Variants in RORA observed in about 807,000 individuals in gnomAD.
RORA encodes the protein nuclear receptor ROR-alpha.
In RORA, 7 loss-of-function variants were observed where a neutral mutation model predicts 69.5. That is an observed-to-expected ratio of 0.10 (90% CI 0.06 to 0.19). The LOEUF (loss-of-function observed/expected upper bound fraction) is 0.19, where lower values mean the gene tolerates loss of function less well. Ranked by LOEUF, RORA falls within the 10% of genes least tolerant of loss-of-function variation. The pLI, the probability that RORA is intolerant of heterozygous loss-of-function variation, is 1.00. For synonymous variants in RORA, 261 were observed against 240.8 expected (o/e 1.08, Z -0.78); for missense variants, 457 against 663.0 (o/e 0.69, Z 3.41).
Position 60,627,310 on chromosome 15 carries a change from A to C in RORA, c.196+51347T>G, listed in dbSNP as rs2069613856. 2 of 1,614,044 alleles carry C rather than the reference A, an allele frequency of 1.2e-6. No homozygotes were observed. The highest frequency in any genetic ancestry group is 1.7e-5 in the Admixed American group (1 of 60,002). On this transcript the variant is annotated intron_variant, in intron 2 of 10. Transcript: ENST00000335670. ...CTGTCCAGTTCGAAGACAATGACCC[A>C]TGATTGACCACGGCACTCTTGCCTC...
rs188233058 is a variant in RORA, at chr15:61,125,761, T to G, written c.166+103292A>C. ...TCAGAAGGGTCAACAGGAATACACTTAAAAGTCCTATTTTCCACCAAAGCC... is the reference window on the plus strand; with the variant it reads ...TCAGAAGGGTCAACAGGAATACACTGAAAAGTCCTATTTTCCACCAAAGCC... On this transcript the variant is annotated intron_variant, in intron 1 of 10. Coordinates refer to ENST00000335670, the MANE Select transcript of RORA (RefSeq NM_134261.3). Among the ~76,000 whole-genome samples, 598 of 152,312 alleles carry G rather than the reference T, an allele frequency of 3.9e-3. 1 individual carries two copies. Among genetic ancestry groups the G allele is most frequent in the African/African-American group, 0.014 (570 of 41,556 alleles).
At chr15:60,696,338 A>G (rs2070904888) in intron 1 of RORA, among the ~76,000 whole-genome samples, 1 of 152,126 alleles carries the variant, frequency 6.6e-6, no homozygotes, top group Admixed American at 6.6e-5. Flanking sequence ...TTCATTGACG[A>G]GAGTCCCACT....
intron 1 of RORA, among the ~76,000 whole-genome samples, chr15:61,150,989 A>G (rs1445217202): frequency 6.6e-6 from 1 of 152,252 alleles, no homozygotes; most frequent in Non-Finnish European, 1.5e-5. Flanking sequence ...GAAAGAGAAT[A>G]CAGGTATTGG....
At position 60,537,996 on chromosome 15, in the gene RORA, A is replaced by G. The variant is rs969180660; in HGVS notation, c.197-6145T>C. Among the ~76,000 whole-genome samples the G allele has an allele frequency of 1.3e-5, 2 of 152,142 alleles. No individual in the cohort carries two copies. The highest frequency in any genetic ancestry group is 4.8e-5 in the African/African-American group (2 of 41,422). On this transcript the variant is annotated intron_variant, in intron 2 of 10. Transcript: ENST00000335670. This position sits in a 1 kb window ranked among gnomAD's most constrained non-coding sequence, Gnocchi z 4.9. ...TGATTTTGGTGCTTTCAACATCCCT[A>G]AAGGAGGCAGATAGGTATTATCATC...
chr15:61,144,175 G>A (rs1209964376), intron 1 of RORA, among the ~76,000 whole-genome samples: 1 of 152,190 alleles, frequency 6.6e-6, no homozygotes, highest in Non-Finnish European at 1.5e-5. Flanking sequence ...TTATTGGGGA[G>A]TATTCTCAGG....
rs374387488 is a variant in RORA at position 60,837,800 on chromosome 15, GA to G, written c.167-159115del. 9.9e-4 allele frequency among the ~76,000 whole-genome samples: 146 copies of G among 147,424 alleles called. 1 individual carries two copies. In the Middle Eastern group the frequency reaches 0.021, roughly 21 times the overall value. On this transcript the variant is annotated intron_variant, in intron 1 of 10. Transcript: ENST00000335670. ...CTGATTGTTTCTTCTCAGGTTGCCA[GA>G]AAAAAAAAACAAAAACCTGGATATT...
At chr15:60,638,957 T>G (rs957043213) in intron 2 of RORA, among the ~76,000 whole-genome samples, 2 of 152,142 alleles carry the variant, frequency 1.3e-5, no homozygotes, top group African/African-American at 4.8e-5. Context: ...AGTAGATAAT[T>G]CTCTCTGGCT....
At chr15:61,019,092 C>T (rs1174113154) in intron 1 of RORA, among the ~76,000 whole-genome samples, 1 of 152,156 alleles carries the variant, frequency 6.6e-6, no homozygotes, top group Non-Finnish European at 1.5e-5. Context: ...TTAACATCTC[C>T]AAAGCTCTCT....
chr15:60,521,312 G>A (rs1007198490), intron 3 of RORA, among the ~76,000 whole-genome samples: 2 of 151,132 alleles, frequency 1.3e-5, no homozygotes, highest in Non-Finnish European at 2.9e-5. Flanking sequence ...CATTACCTCG[G>A]GTCACTGCAA....
chr15:61,063,653 C>T (rs1447094849), intron 1 of RORA, among the ~76,000 whole-genome samples: 1 of 152,174 alleles, frequency 6.6e-6, no homozygotes. Context: ...GTCTCTTCAT[C>T]TTTGAAATGG....
intron 1 of RORA, among the ~76,000 whole-genome samples, chr15:60,908,889 T>A (rs935701981): frequency 1.3e-5 from 2 of 151,910 alleles, no homozygotes; most frequent in Admixed American, 6.6e-5. Context: ...TTTTTTTTTT[T>A]ATTAAAGAGA....
intron 1 of RORA, among the ~76,000 whole-genome samples, chr15:61,106,910 G>A (rs782917): frequency 0.26 from 40,073 of 152,028 alleles, 5,595 homozygotes; most frequent in South Asian, 0.36. Context: ...TATGGAACAC[G>A]TGCTATGTGC....
At position 60,746,728 on chromosome 15, in the gene RORA, G is replaced by C. The variant is rs576565534; in HGVS notation, c.167-68042C>G. On this transcript the variant is annotated intron_variant, in intron 1 of 10. Coordinates refer to ENST00000335670, the MANE Select transcript of RORA (RefSeq NM_134261.3). The stretch of plus-strand genomic sequence containing the variant: ...GTGTGGACAGACAAGATGAACTAGA[G>C]GGTGTACAATTACATGGATACTTCG... 1.9e-4 allele frequency among the ~76,000 whole-genome samples: 29 copies of C among 152,264 alleles called. No individual in the cohort carries two copies. The South Asian group carries it at 5.6e-3, about 29-fold the overall frequency.
chr15:61,116,968 C>T (rs1005748186), intron 1 of RORA, among the ~76,000 whole-genome samples: 1 of 152,144 alleles, frequency 6.6e-6, no homozygotes, highest in South Asian at 2.1e-4. Context: ...AGGCTCTCAT[C>T]TTGCCCATTA....
At chr15:60,670,281 C>G (rs1321668948) in intron 2 of RORA, among the ~76,000 whole-genome samples, 1 of 150,132 alleles carries the variant, frequency 6.7e-6, no homozygotes, top group Admixed American at 6.7e-5. Flanking sequence ...GTGATCTCAG[C>G]TTACTGCCGC....
chr15:61,137,977 C>T (rs1183025529), intron 1 of RORA, among the ~76,000 whole-genome samples: 3 of 152,134 alleles, frequency 2.0e-5, no homozygotes, highest in Non-Finnish European at 2.9e-5. Context: ...TGGAAAGAGA[C>T]ATACAGGGGG....
intron 1 of RORA, among the ~76,000 whole-genome samples, chr15:61,095,105 T>G (rs1486196868): frequency 1.3e-5 from 2 of 152,120 alleles, no homozygotes; most frequent in Non-Finnish European, 2.9e-5. Context: ...AGAATGTCCT[T>G]TGGGTGTAAA....
intron 1 of RORA, among the ~76,000 whole-genome samples, chr15:60,981,722 A>G (rs1387200921): frequency 3.3e-5 from 5 of 152,080 alleles, no homozygotes; most frequent in Admixed American, 3.3e-4. Flanking sequence ...TTAACTCTTT[A>G]GACTTAGTTT....
intron 1 of RORA, among the ~76,000 whole-genome samples, chr15:61,075,907 T>G (rs1213920375): frequency 6.6e-6 from 1 of 152,192 alleles, no homozygotes; most frequent in Non-Finnish European, 1.5e-5. Flanking sequence ...GTGGAATTAC[T>G]TGGCTCCTGG....
Sources: allele counts gnomAD v4.1 joint callset (sites outside exome capture counted in the v4.1 genomes callset), GRCh38; gene constraint gnomAD v4.1.1; non-coding constraint Gnocchi (gnomAD v3.1); transcripts MANE v1.5; gene names NCBI Gene and HGNC (gene_info 2026-07-23, HGNC 2026-07-21).